Variants in DCAF5 observed in about 807,000 individuals in gnomAD.
DCAF5 encodes the protein DDB1- and CUL4-associated factor 5.
A neutral mutation model predicts 80.7 loss-of-function variants in DCAF5; 9 were observed. That is an observed-to-expected ratio of 0.11 (90% CI 0.07 to 0.19). DCAF5 has a LOEUF of 0.19. Among genes scored for constraint, DCAF5 ranks in the 10% least tolerant of loss-of-function variants. The probability of loss-of-function intolerance (pLI) is 1.00; values close to 1 mark genes in which losing one functional copy is unlikely to be tolerated. For synonymous variants in DCAF5, 433 were observed against 461.9 expected, an observed-to-expected ratio of 0.94 and a Z score of 0.80; for missense variants, 842 against 1,205.7, an observed-to-expected ratio of 0.70 and a Z score of 4.47.
intron 7 of DCAF5, among the ~76,000 whole-genome samples, chr14:69,071,348 G>C (rs2038684063): frequency 6.6e-6 from 1 of 152,162 alleles, no homozygotes; most frequent in South Asian, 2.1e-4. Context: ...TCCTGAGCAG[G>C]AGTGTGCAGA....
intron 1 of DCAF5, among the ~76,000 whole-genome samples, chr14:69,124,180 T>C (rs1201631603): frequency 2.0e-5 from 3 of 152,170 alleles, no homozygotes; most frequent in African/African-American, 7.2e-5. Context: ...TGAATAGTAT[T>C]CCATCGTATA....
intron 7 of DCAF5, among the ~76,000 whole-genome samples, chr14:69,075,105 G>C (rs2038850317): frequency 6.6e-6 from 1 of 151,966 alleles, no homozygotes; most frequent in Non-Finnish European, 1.5e-5. Context: ...GTTCTATGAA[G>C]TCTGAAGAAA....
chr14:69,124,628 T>A (rs1373122876), intron 1 of DCAF5, among the ~76,000 whole-genome samples: 1 of 152,218 alleles, frequency 6.6e-6, no homozygotes, highest in East Asian at 1.9e-4. Context: ...TAGGATAGTA[T>A]CTAAATTATG....
chr14:69,141,601 C>A (rs896733760), intron 1 of DCAF5, among the ~76,000 whole-genome samples: 1 of 152,088 alleles, frequency 6.6e-6, no homozygotes. Flanking sequence ...TACACTGGGA[C>A]AATGGGAGAG....
At chr14:69,106,572 A>C (rs1324402829) in intron 5 of DCAF5, among the ~76,000 whole-genome samples, 1 of 151,950 alleles carries the variant, frequency 6.6e-6, no homozygotes, top group African/African-American at 2.4e-5. Flanking sequence ...GATAGGGTGT[A>C]TGTTGCCCAG....
intron 1 of DCAF5, among the ~76,000 whole-genome samples, chr14:69,146,716 T>C (rs756195238): frequency 2.6e-5 from 4 of 152,274 alleles, no homozygotes; most frequent in African/African-American, 9.6e-5. Flanking sequence ...CCTGTTCTCA[T>C]AGCTCCTGTT....
At chr14:69,128,227 C>T (rs1295166135) in intron 1 of DCAF5, among the ~76,000 whole-genome samples, 1 of 150,224 alleles carries the variant, frequency 6.7e-6, no homozygotes, top group Non-Finnish European at 1.5e-5. Flanking sequence ...CACTCTGTCA[C>T]CCAGGCCGGA....
intron 2 of DCAF5, among the ~76,000 whole-genome samples, chr14:69,121,284 C>T (rs934916013): frequency 1.4e-4 from 22 of 152,114 alleles, no homozygotes; most frequent in African/African-American, 5.1e-4. Context: ...AGAGTGGTAA[C>T]AGAAATCACA....
chr14:69,092,051 G>A (rs1008290210), intron 5 of DCAF5, among the ~76,000 whole-genome samples, 164 bp from the exon 6 acceptor site: 11 of 152,178 alleles, frequency 7.2e-5, no homozygotes, highest in Non-Finnish European at 1.5e-4. Context: ...CGCTTCCTTC[G>A]TTACTTTAAA....
rs536279647 is a variant in DCAF5, at chr14:69,122,955, C to T, written c.215-595G>A. ...TCTAAGTTGGTTGTTATTGTTTTTT[C>T]CCATTTTTACTTTTTACTTTTACTT... On this transcript the variant is annotated intron_variant, in intron 1 of 8. Transcript: ENST00000341516. 6.6e-5 allele frequency among the ~76,000 whole-genome samples: 10 copies of T among 152,198 alleles called. 1 individual carries two copies. Among genetic ancestry groups the T allele is most frequent in the Admixed American group, 6.5e-4 (10 of 15,290 alleles).
intron 5 of DCAF5, among the ~76,000 whole-genome samples, chr14:69,097,344 C>T (rs1029650448): frequency 6.6e-6 from 1 of 152,120 alleles, no homozygotes; most frequent in Non-Finnish European, 1.5e-5. Flanking sequence ...AAACCAAAAT[C>T]ACCTCTAGTT....
At chr14:69,069,878 C>T (rs1392953821) in intron 7 of DCAF5, among the ~76,000 whole-genome samples, 3 of 152,146 alleles carry the variant, frequency 2.0e-5, no homozygotes, top group Non-Finnish European at 4.4e-5. Context: ...ACCTCAGCCT[C>T]CCAAAGTGCT....
chr14:69,098,133 C>T (rs982779954), intron 5 of DCAF5, among the ~76,000 whole-genome samples: 5 of 77,932 alleles, frequency 6.4e-5, no homozygotes, highest in Non-Finnish European at 1.1e-4. Context: ...TGTGACCCCA[C>T]CTCCTAGGAC....
At chr14:69,068,246 C>T (rs1389651001) in intron 7 of DCAF5, among the ~76,000 whole-genome samples, 1 of 152,178 alleles carries the variant, frequency 6.6e-6, no homozygotes, top group Non-Finnish European at 1.5e-5. Flanking sequence ...TACATGATGT[C>T]TTATCTAAGG....
At chr14:69,117,368 G>A (rs2040574504) in intron 4 of DCAF5, among the ~76,000 whole-genome samples, 1 of 152,134 alleles carries the variant, frequency 6.6e-6, no homozygotes, top group Non-Finnish European at 1.5e-5. Flanking sequence ...AATGAGCACA[G>A]CCCAGAATGT....
chr14:69,120,643 A>G (rs998267351), intron 2 of DCAF5, among the ~76,000 whole-genome samples: 2 of 152,220 alleles, frequency 1.3e-5, no homozygotes, highest in African/African-American at 4.8e-5. Flanking sequence ...ATAGAAAGCA[A>G]AAGTAGCAGT....
In DCAF5 at chr14:69,055,222, G is replaced by T; in HGVS notation, c.1464C>A (p.Val488=). 1 of 1,614,212 alleles carries T rather than the reference G, an allele frequency of 6.2e-7. No homozygotes were observed. Among genetic ancestry groups the T allele is most frequent in the Non-Finnish European group, 8.5e-7 (1 of 1,180,038 alleles). The change falls in exon 9 of 9, where the codon GTC becomes GTA. Residue 488 remains valine, a synonymous_variant. Transcript: ENST00000341516. The surrounding 1 kb of genome is among the most constrained non-coding windows in gnomAD (Gnocchi z 5.6). Reference sequence around the variant, plus strand: ...TTGAGGCTACTGTGTTTGTGGTGGTGACCCGCAGGGGCCCCAGGTGGAAGG... The same window carrying T: ...TTGAGGCTACTGTGTTTGTGGTGGTTACCCGCAGGGGCCCCAGGTGGAAGG... ...DNAFHLGPLR[V]TTTNTVASTP... is the part of the protein sequence containing the mutation.
chr14:69,084,905 T>C, intron 6 of DCAF5: 1 of 1,391,582 alleles, frequency 7.2e-7, no homozygotes, highest in Admixed American at 1.7e-5. Flanking sequence ...TAAGGAATAA[T>C]ATTCATCGTG....
At position 69,052,501 on chromosome 14, in the gene DCAF5, A is replaced by G. The variant is rs1594914672; in HGVS notation, c.*1356T>C. ...TTTTCATAACATTTATGCCAACAAG[A>G]TATCTGGTCATTCCCAGACCTTCCT... On this transcript the variant is annotated 3_prime_UTR_variant, in exon 9 of 9. Coordinates refer to ENST00000341516, the MANE Select transcript of DCAF5 (RefSeq NM_003861.3). The G allele has an allele frequency of 1.3e-5, 2 of 152,636 alleles. No individual in the cohort carries two copies. The highest frequency in any genetic ancestry group is 4.8e-5 in the African/African-American group (2 of 41,444). The allele number at this position is 152,636 out of a possible 1,614,324, so 9.5% of individuals were successfully genotyped here.
Sources: allele counts gnomAD v4.1 joint callset (sites outside exome capture counted in the v4.1 genomes callset), GRCh38; gene constraint gnomAD v4.1.1; non-coding constraint Gnocchi (gnomAD v3.1); transcripts MANE v1.5; gene names NCBI Gene and HGNC (gene_info 2026-07-23, HGNC 2026-07-21).